The following MANBA variants were observed in gnomAD, a reference collection of about 807,000 sequenced individuals.
MANBA encodes mannosidase beta.
In MANBA, 83 loss-of-function variants were observed where a neutral mutation model predicts 111.1. The ratio of observed to expected loss-of-function variants is 0.75; its 90% confidence interval spans 0.63 to 0.90. The LOEUF is 0.90. Ranked by LOEUF, MANBA falls within the 40% of genes least tolerant of loss-of-function variation. MANBA has a pLI of 0.00. For missense variants in MANBA, 1,036 were observed against 1,069.0 expected (o/e 0.97, Z 0.43); for synonymous variants, 370 against 378.7 (o/e 0.98, Z 0.27).
intron 4 of MANBA, among the ~76,000 whole-genome samples, chr4:102,716,299 A>G (rs540863782): frequency 6.8e-6 from 1 of 146,080 alleles, no homozygotes; most frequent in Admixed American, 6.9e-5. Flanking sequence ...ACAAGAGTGA[A>G]ACTCAGTCTC....
intron 1 of MANBA, chr4:102,729,692 C>T (rs1722956117): frequency 3.2e-6 from 5 of 1,555,902 alleles, no homozygotes; most frequent in Non-Finnish European, 4.4e-6. Context: ...CCGCCTCCAG[C>T]TTCAGCTTCT....
At chr4:102,743,205 T>C in intron 1 of MANBA, among the ~76,000 whole-genome samples, 1 of 152,248 alleles carries the variant, frequency 6.6e-6, no homozygotes, top group East Asian at 1.9e-4. Flanking sequence ...CACGTACCTC[T>C]TCCCCAAATT....
chr4:102,675,841 C>T (rs1263825667), intron 7 of MANBA, among the ~76,000 whole-genome samples: 1 of 151,998 alleles, frequency 6.6e-6, no homozygotes, highest in Non-Finnish European at 1.5e-5. Context: ...TGTGGTGGTG[C>T]ATGCCCATAA....
chr4:102,631,576 TACC>T lies in MANBA; in HGVS notation c.*478_*480del, dbSNP rs1729375246. 1 of 409,454 alleles carries T rather than the reference TACC, an allele frequency of 2.4e-6. No homozygotes were observed. The highest frequency in any genetic ancestry group is 2.0e-5 in the African/African-American group (1 of 48,872). 25.4% of individuals were successfully genotyped at this position (409,454 alleles called of 1,614,324 possible). ...ACCCATATACCTTTACCCAAATAGCTACCACCAAGAAATCTCTGTTGTAACATT... is the reference window on the plus strand; with the variant it reads ...ACCCATATACCTTTACCCAAATAGCTACCAAGAAATCTCTGTTGTAACATT... On this transcript the variant is annotated 3_prime_UTR_variant, in exon 17 of 17. Transcript: ENST00000647097.
chr4:102,732,562 C>G (rs1197195419), intron 1 of MANBA, among the ~76,000 whole-genome samples: 1 of 152,240 alleles, frequency 6.6e-6, no homozygotes, highest in Non-Finnish European at 1.5e-5. Flanking sequence ...CTGCCAGAAA[C>G]TGATCCAAAC....
At position 102,671,146 on chromosome 4, in the gene MANBA, C is replaced by T. The variant is rs111897970; in HGVS notation, c.1230+135G>A. The stretch of plus-strand genomic sequence containing the variant: ...CCTATGGCTCTTGGTTTACAAGATG[C>T]CATTTATTCCTATAGCCCCAAATGG... On this transcript the variant is annotated intron_variant, in intron 9 of 16. Coordinates refer to ENST00000647097, the MANE Select transcript of MANBA (RefSeq NM_005908.4). 1,140 of 688,442 alleles carry T rather than the reference C, an allele frequency of 1.7e-3. 13 individuals carry two copies. In the African/African-American group the frequency reaches 0.018, roughly 11 times the overall value. 42.6% of individuals were successfully genotyped at this position (688,442 alleles called of 1,614,324 possible). A position where few individuals can be genotyped will look rare whatever the true frequency, so the allele number is the denominator to read the frequency against.
intron 1 of MANBA, among the ~76,000 whole-genome samples, chr4:102,743,654 A>T (rs1047687150): frequency 2.0e-5 from 3 of 152,158 alleles, no homozygotes; most frequent in African/African-American, 7.2e-5. Flanking sequence ...GCTCGAGCCC[A>T]ATCATGTATA....
At chr4:102,726,767 C>G (rs1323853286) in intron 1 of MANBA, 84 bp from the exon 2 acceptor site, 2 of 774,078 alleles carry the variant, frequency 2.6e-6, no homozygotes. Context: ...AAATTATTAA[C>G]AACAGCTATT....
At chr4:102,738,192 T>G (rs1723286465) in intron 1 of MANBA, among the ~76,000 whole-genome samples, 1 of 152,204 alleles carries the variant, frequency 6.6e-6, no homozygotes. Flanking sequence ...AACAACTAAT[T>G]CCACTGCCTA....
chr4:102,742,491 T>C lies in MANBA; in HGVS notation c.178-15808A>G, dbSNP rs80044420. Among the ~76,000 whole-genome samples, 131 of 152,298 alleles carry C rather than the reference T, an allele frequency of 8.6e-4. 1 individual carries two copies. The highest frequency in any genetic ancestry group is 2.8e-3 in the African/African-American group (116 of 41,558). On this transcript the variant is annotated intron_variant, in intron 1 of 16. Transcript: ENST00000647097. ...AACTTTGCCGCAGCCCTGAAAAGTA[T>C]TGTCACCCAGTTGGCATTGTAATTG...
At chr4:102,646,745 T>C (rs556768685) in intron 13 of MANBA, among the ~76,000 whole-genome samples, 137 of 152,182 alleles carry the variant, frequency 9.0e-4, no homozygotes, top group African/African-American at 2.7e-3. Context: ...CTCATGTATA[T>C]GGGCTATTGG....
rs984274114 is a variant in MANBA, at chr4:102,703,184, A to G, written c.673+11254T>C. Reference sequence around the variant, plus strand: ...CTTGCTTTGTCACCCAGGCCAGAATACAGTGGAATAATCATAGCTCGCTGC... The same window carrying G: ...CTTGCTTTGTCACCCAGGCCAGAATGCAGTGGAATAATCATAGCTCGCTGC... On this transcript the variant is annotated intron_variant, in intron 5 of 16. Transcript: ENST00000647097. Among the ~76,000 whole-genome samples, 3 of 152,308 alleles carry G rather than the reference A, an allele frequency of 2.0e-5. 1 individual carries two copies. The highest frequency in any genetic ancestry group is 6.8e-3 in the Middle Eastern group (2 of 294).
chr4:102,645,621 T>C (rs949224783), intron 13 of MANBA, among the ~76,000 whole-genome samples: 11 of 152,140 alleles, frequency 7.2e-5, no homozygotes, highest in African/African-American at 2.4e-4. Context: ...GTTGTTTCTC[T>C]AGGAATTCAT....
At position 102,657,792 on chromosome 4, in the gene MANBA, G is replaced by GC. The variant is rs1730636544; in HGVS notation, c.1593_1594insG (p.His532AlafsTer4). ...CAATCACTGATATAGTCATAAAAAT[G>GC]TACATCACCAAAATAATTGCTATTA... is the stretch of plus-strand genomic sequence containing the variant. On this transcript the variant is annotated frameshift_variant, in exon 12 of 17. Transcript: ENST00000647097. LOFTEE classifies it high-confidence loss of function. 1.2e-6 allele frequency: 2 copies of GC among 1,613,434 alleles called. No individual in the cohort carries two copies. Among genetic ancestry groups the GC allele is most frequent in the African/African-American group, 2.7e-5 (2 of 74,906 alleles).
chr4:102,674,158 T>A, intron 7 of MANBA, 88 bp from the exon 8 acceptor site: 1 of 974,712 alleles, frequency 1.0e-6, no homozygotes, highest in Non-Finnish European at 1.6e-6. Context: ...TTTGAAAAAC[T>A]ACATTCAGTA....
At chr4:102,757,145 C>A (rs917101869) in intron 1 of MANBA, among the ~76,000 whole-genome samples, 3 of 152,016 alleles carry the variant, frequency 2.0e-5, no homozygotes, top group Non-Finnish European at 2.9e-5. Context: ...GCCTGACCAA[C>A]ATGGAGAAAG....
intron 9 of MANBA, among the ~76,000 whole-genome samples, chr4:102,670,631 G>A (rs1731453525): frequency 6.6e-6 from 1 of 152,140 alleles, no homozygotes; most frequent in African/African-American, 2.4e-5. Flanking sequence ...ATCACCTGAG[G>A]TCAGGAGTTC....
intron 1 of MANBA, among the ~76,000 whole-genome samples, chr4:102,745,038 GAAGTCAGACCTGT>G (rs1723539999): frequency 6.6e-6 from 1 of 152,060 alleles, no homozygotes; most frequent in Non-Finnish European, 1.5e-5. Flanking sequence ...TCCAAGGAAG[GAAGTCAGACCTGT>G]AAGTCAGACC....
At chr4:102,634,416 G>T (rs939622646) in intron 16 of MANBA, among the ~76,000 whole-genome samples, 3 of 152,204 alleles carry the variant, frequency 2.0e-5, no homozygotes, top group African/African-American at 7.2e-5. Context: ...AAATGCAGAT[G>T]ATAATGCCTG....
Sources: gnomAD v4.1 joint callset for allele counts (sites outside exome capture counted in the v4.1 genomes callset) on GRCh38, gnomAD v4.1.1 for gene constraint, MANE v1.5 for transcripts, NCBI Gene and HGNC (gene_info 2026-07-23, HGNC 2026-07-21) for gene names.